The following VPS50 variants were observed in gnomAD, a reference collection of about 807,000 sequenced individuals.
VPS50 encodes VPS50 subunit of EARP/GARPII complex, also known as syndetin.
In VPS50, 70 loss-of-function variants were observed where a neutral mutation model predicts 139.7. That is an observed-to-expected ratio of 0.50 (90% confidence interval 0.41 to 0.61). VPS50 has a LOEUF of 0.61. Among genes scored for constraint, VPS50 ranks in the 20% least tolerant of loss-of-function variants. The pLI, the probability that VPS50 is intolerant of heterozygous loss-of-function variation, is 0.00. For synonymous variants in VPS50, 365 were observed against 376.7 expected (o/e 0.97, Z 0.36); for missense variants, 921 against 1,133.7 (o/e 0.81, Z 2.69).
chr7:93,353,558 T>C lies in VPS50; in HGVS notation c.2464-82T>C, dbSNP rs528124525. Reference sequence around the variant, plus strand: ...GTTTGATTCTGAGTCTTTCTAAATCTTTTTTATTTAAACAATTTTTATGGG... The same window carrying C: ...GTTTGATTCTGAGTCTTTCTAAATCCTTTTTATTTAAACAATTTTTATGGG... On this transcript the variant is annotated intron_variant, in intron 25 of 27. Coordinates refer to ENST00000305866, the MANE Select transcript of VPS50 (RefSeq NM_017667.4). 9.0e-4 allele frequency: 1,306 copies of C among 1,456,066 alleles called. 4 individuals are homozygous for C. Among genetic ancestry groups the C allele is most frequent in the Middle Eastern group, 7.0e-3 (38 of 5,430 alleles). The allele number at this position is 1,456,066 out of a possible 1,614,324, so 90.2% of individuals were successfully genotyped here. A position where few individuals can be genotyped will look rare whatever the true frequency, so the allele number is the denominator to read the frequency against.
At chr7:93,347,138 A>C (rs1451399643) in intron 23 of VPS50, among the ~76,000 whole-genome samples, 2 of 146,112 alleles carry the variant, frequency 1.4e-5, no homozygotes, top group Admixed American at 1.5e-4. Context: ...AGAAAAAAAC[A>C]AACAACCCCA....
At chr7:93,284,480 A>G (rs1796423396) in intron 12 of VPS50, among the ~76,000 whole-genome samples, 2 of 152,224 alleles carry the variant, frequency 1.3e-5, no homozygotes, top group Non-Finnish European at 2.9e-5. Context: ...TCACAATTTA[A>G]CGGGTGCTAG....
chr7:93,336,648 G>C (rs938547362), intron 22 of VPS50, among the ~76,000 whole-genome samples: 6 of 152,048 alleles, frequency 3.9e-5, no homozygotes, highest in Non-Finnish European at 7.4e-5. Flanking sequence ...CGAGTAGCTG[G>C]AATTACAGGC....
At chr7:93,294,838 T>G (rs1796760663) in intron 14 of VPS50, among the ~76,000 whole-genome samples, 1 of 152,168 alleles carries the variant, frequency 6.6e-6, no homozygotes, top group African/African-American at 2.4e-5. Flanking sequence ...AATTTGAAAA[T>G]CTCCACTGGA....
At chr7:93,328,103 A>G (rs1157769771) in intron 21 of VPS50, among the ~76,000 whole-genome samples, 2 of 152,122 alleles carry the variant, frequency 1.3e-5, no homozygotes, top group Non-Finnish European at 2.9e-5. Context: ...CTCATGCTCT[A>G]TTTTATATCT....
At chr7:93,282,697 G>A (rs752301903) in intron 12 of VPS50, among the ~76,000 whole-genome samples, 2 of 152,146 alleles carry the variant, frequency 1.3e-5, no homozygotes, top group Non-Finnish European at 2.9e-5. Flanking sequence ...GTTAAACGAC[G>A]TTTCATTGAT....
chr7:93,356,266 C>T, intron 27 of VPS50, 186 bp downstream of exon 27: 1 of 327,698 alleles, frequency 3.1e-6, no homozygotes. Context: ...AAGCAGTGCC[C>T]TTTGACTCAT....
intron 12 of VPS50, among the ~76,000 whole-genome samples, chr7:93,290,525 T>C (rs1796619016): frequency 6.6e-6 from 1 of 151,782 alleles, no homozygotes; most frequent in Non-Finnish European, 1.5e-5. Context: ...AGGAGTGGGT[T>C]TTGAATTTTC....
chr7:93,294,940 G>GTT (rs150236665), intron 14 of VPS50, among the ~76,000 whole-genome samples: 3,284 of 152,014 alleles, frequency 0.022, 130 homozygotes, highest in African/African-American at 0.075. Flanking sequence ...TCAGTGAGAT[G>GTT]TTCTGTTTAT....
intron 23 of VPS50, among the ~76,000 whole-genome samples, chr7:93,345,434 A>G (rs1195342986): frequency 6.6e-6 from 1 of 152,214 alleles, no homozygotes. Context: ...TTCTGAAACT[A>G]TTCCAATCAA....
chr7:93,324,794 G>A (rs1199259666), intron 21 of VPS50, among the ~76,000 whole-genome samples: 2 of 152,036 alleles, frequency 1.3e-5, no homozygotes, highest in East Asian at 3.8e-4. Context: ...AAATAAAAGA[G>A]GATACAAAGA....
Position 93,252,678 on chromosome 7 carries a change from A to G in VPS50, c.128A>G (p.Gln43Arg). The G allele has an allele frequency of 6.2e-7, 1 of 1,602,780 alleles. No individual in the cohort carries two copies. The highest frequency in any genetic ancestry group is 1.3e-5 in the African/African-American group (1 of 74,602). ...GAAGAATTCAGGGAACTTCGAGAAC[A>G]GCCAAGTGACCCTCAAGCTGAACAA... ...GKEEFRELRE[Q>R]PSDPQAEQEL... Residue 43 changes from glutamine to arginine, a missense_variant, in exon 3 of 28, where the codon CAG becomes CGG. Physicochemically the swap from Gln to Arg is conservative, Grantham distance 43. Coordinates refer to ENST00000305866, the MANE Select transcript of VPS50 (RefSeq NM_017667.4).
intron 23 of VPS50, among the ~76,000 whole-genome samples, chr7:93,347,696 AATC>A (rs1167521214): frequency 2.7e-5 from 4 of 149,156 alleles, no homozygotes; most frequent in Admixed American, 6.7e-5. Flanking sequence ...TGAAATTGGA[AATC>A]ATCATTCGCA....
intron 1 of VPS50, among the ~76,000 whole-genome samples, chr7:93,234,995 G>A (rs1794756959): frequency 6.6e-6 from 1 of 152,090 alleles, no homozygotes; most frequent in Non-Finnish European, 1.5e-5. Context: ...CACTGTAGAG[G>A]AAAAGAGGAT....
Position 93,232,454 on chromosome 7 carries a change from C to T in VPS50, c.-14C>T. On this transcript the variant is annotated 5_prime_UTR_variant, in exon 1 of 28. Transcript: ENST00000305866. The stretch of plus-strand genomic sequence containing the variant: ...TAGCTCTTTGAGGCAGGGTACCCTC[C>T]TCAGGATTTCGATATGCAAAAAATC... The T allele has an allele frequency of 6.2e-7, 1 of 1,612,148 alleles. No individual in the cohort carries two copies. The highest frequency in any genetic ancestry group is 8.5e-7 in the Non-Finnish European group (1 of 1,178,342).
chr7:93,269,592 C>G (rs1420446477), intron 9 of VPS50, among the ~76,000 whole-genome samples: 1 of 152,008 alleles, frequency 6.6e-6, no homozygotes, highest in Non-Finnish European at 1.5e-5. Flanking sequence ...ATTGGTTTTA[C>G]TTTTCTGACA....
At chr7:93,256,768 TA>T (rs1357609804) in intron 5 of VPS50, among the ~76,000 whole-genome samples, 1 of 152,126 alleles carries the variant, frequency 6.6e-6, no homozygotes, top group Non-Finnish European at 1.5e-5. Context: ...GAAGGGTTTT[TA>T]TATATGATTC....
chr7:93,343,793 AC>A (rs1478317769), intron 23 of VPS50, among the ~76,000 whole-genome samples: 47 of 152,180 alleles, frequency 3.1e-4, no homozygotes, highest in African/African-American at 1.1e-3. Context: ...AGATTTTGTC[AC>A]CACCAGGCCT....
At chr7:93,321,740 A>G (rs1797619742) in intron 20 of VPS50, among the ~76,000 whole-genome samples, 1 of 152,200 alleles carries the variant, frequency 6.6e-6, no homozygotes, top group African/African-American at 2.4e-5. Flanking sequence ...AGGTATATAA[A>G]CGATGGTTAA....
Sources: gnomAD v4.1 joint callset for allele counts (sites outside exome capture counted in the v4.1 genomes callset) on GRCh38, gnomAD v4.1.1 for gene constraint, MANE v1.5 for transcripts, NCBI Gene and HGNC (gene_info 2026-07-23, HGNC 2026-07-21) for gene names.